Variants in GRAMD1B observed in about 807,000 individuals in gnomAD.
The protein encoded by GRAMD1B is GRAM domain containing 1B, also known as protein Aster-B.
A neutral mutation model predicts 99.7 loss-of-function variants in GRAMD1B; 37 were observed. That is an observed-to-expected ratio of 0.37 (90% CI 0.29 to 0.49). GRAMD1B has a LOEUF of 0.49. Ranked by LOEUF, GRAMD1B falls within the 20% of genes least tolerant of loss-of-function variation. The probability of loss-of-function intolerance (pLI) is 0.98; values close to 1 mark genes in which losing one functional copy is unlikely to be tolerated. For missense variants in GRAMD1B, 888 were observed against 1,009.2 expected (o/e 0.88, Z 1.63); for synonymous variants, 427 against 387.6 (o/e 1.10, Z -1.19).
chr11:123,606,104 A>C (rs1312995567), intron 10 of GRAMD1B, among the ~76,000 whole-genome samples: 2 of 152,268 alleles, frequency 1.3e-5, no homozygotes, highest in African/African-American at 4.8e-5. Context: ...GCTATGGATC[A>C]GACCACCTGC....
intron 2 of GRAMD1B, among the ~76,000 whole-genome samples, chr11:123,540,296 T>C (rs1944381844): frequency 6.6e-6 from 1 of 151,990 alleles, no homozygotes; most frequent in Non-Finnish European, 1.5e-5. Flanking sequence ...CCCAAACTGG[T>C]CTCAAACAAC....
intron 2 of GRAMD1B, among the ~76,000 whole-genome samples, chr11:123,542,472 C>T (rs2135721017): frequency 6.6e-6 from 1 of 152,346 alleles, no homozygotes; most frequent in African/African-American, 2.4e-5. Flanking sequence ...ATGAACTGTA[C>T]TGGAGAATTC....
intron 2 of GRAMD1B, among the ~76,000 whole-genome samples, chr11:123,524,902 G>C (rs1203052016): frequency 1.3e-5 from 2 of 151,808 alleles, no homozygotes; most frequent in Non-Finnish European, 2.9e-5. Context: ...AGATAGAAAG[G>C]GATCATATAG....
At chr11:123,562,609 C>A (rs1245629177) in intron 2 of GRAMD1B, among the ~76,000 whole-genome samples, 2 of 152,144 alleles carry the variant, frequency 1.3e-5, no homozygotes, top group Non-Finnish European at 2.9e-5. Flanking sequence ...CTTAAAAATG[C>A]AAACACTATT....
Position 123,395,233 on chromosome 11 carries a change from A to AT in GRAMD1B, c.-176+36436dup, listed in dbSNP as rs540368896. Among the ~76,000 whole-genome samples the AT allele has an allele frequency of 7.3e-4, 111 of 152,310 alleles. 1 individual carries two copies. Among genetic ancestry groups the AT allele is most frequent in the African/African-American group, 2.6e-3 (110 of 41,582 alleles). ...TGGGAAAGAAAATTTCTGCAAAGGT[A>AT]TTATTGTGTAGATTTTCATACTAAG... On this transcript the variant is annotated intron_variant, in intron 1 of 20. Transcript: ENST00000638157.
intron 2 of GRAMD1B, among the ~76,000 whole-genome samples, chr11:123,575,630 C>G (rs1295380852): frequency 6.6e-6 from 1 of 152,110 alleles, no homozygotes; most frequent in Non-Finnish European, 1.5e-5. Flanking sequence ...GAGGCTCACC[C>G]CAGAAAGACG....
At position 123,451,756 on chromosome 11, in the gene GRAMD1B, G is replaced by A. The variant is rs115479245; in HGVS notation, c.374+20590G>A. 8.7e-3 allele frequency among the ~76,000 whole-genome samples: 1,327 copies of A among 152,224 alleles called. 21 individuals are homozygous for A. Among genetic ancestry groups the A allele is most frequent in the African/African-American group, 0.029 (1,223 of 41,528 alleles). ...CTTGTTGCTTGGCTGCTATGTGCTGGCCACTGAGGTGTGGCTGGCTTCTTC... is the reference window on the plus strand; with the variant it reads ...CTTGTTGCTTGGCTGCTATGTGCTGACCACTGAGGTGTGGCTGGCTTCTTC... On this transcript the variant is annotated intron_variant, in intron 1 of 19. Coordinates refer to ENST00000635736, the MANE Select transcript of GRAMD1B (RefSeq NM_001387025.1).
intron 1 of GRAMD1B, among the ~76,000 whole-genome samples, chr11:123,402,306 C>T (rs914007181): frequency 3.9e-5 from 6 of 152,170 alleles, no homozygotes; most frequent in Non-Finnish European, 8.8e-5. Flanking sequence ...TACGAGCCAC[C>T]ACGCCCGGCC....
At chr11:123,398,708 G>A (rs951278710) in intron 1 of GRAMD1B, among the ~76,000 whole-genome samples, 20 of 151,820 alleles carry the variant, frequency 1.3e-4, no homozygotes, top group African/African-American at 4.4e-4. Context: ...TGTATTTATC[G>A]GTCATTTATA....
rs1952250470 is a variant in GRAMD1B at position 123,603,420 on chromosome 11, C to T, written c.1051-6C>T. On this transcript the variant is annotated splice_region_variant and splice_polypyrimidine_tract_variant and intron_variant, in intron 8 of 19. Transcript: ENST00000635736. Reference sequence around the variant, plus strand: ...AAGGCTCAGTCGTTCCTTTTCTCCCCTGAAGCCTCTGTGTCCCAAGGAGCT... The same window carrying T: ...AAGGCTCAGTCGTTCCTTTTCTCCCTTGAAGCCTCTGTGTCCCAAGGAGCT... The T allele has an allele frequency of 6.4e-7, 1 of 1,569,610 alleles. No homozygotes were observed.
rs189077341 is a variant in GRAMD1B at position 123,418,459 on chromosome 11, C to T, written c.-176+59660C>T. On this transcript the variant is annotated intron_variant, in intron 1 of 20. Transcript: ENST00000638157. ...GAGTTGATAGATAAGCTGTTTTTTC[C>T]AAGTACATTCCTGTTCCTTCATTTA... Among the ~76,000 whole-genome samples, 257 of 152,194 alleles carry T rather than the reference C, an allele frequency of 1.7e-3. 1 individual carries two copies. The highest frequency in any genetic ancestry group is 3.3e-3 in the Non-Finnish European group (222 of 67,992).
chr11:123,479,189 G>A (rs770074499), intron 1 of GRAMD1B, among the ~76,000 whole-genome samples: 2 of 152,214 alleles, frequency 1.3e-5, no homozygotes, highest in African/African-American at 2.4e-5. Context: ...TGTGTATGGC[G>A]CTGTTCCGGT....
intron 2 of GRAMD1B, among the ~76,000 whole-genome samples, chr11:123,485,435 A>G (rs556053392): frequency 1.3e-5 from 2 of 152,182 alleles, no homozygotes; most frequent in Non-Finnish European, 2.9e-5. Context: ...AAACCTAAGG[A>G]TTTCTGAGAA....
intron 1 of GRAMD1B, among the ~76,000 whole-genome samples, chr11:123,466,448 AAGAG>A (rs1157590903): frequency 1.4e-5 from 2 of 145,670 alleles, no homozygotes; most frequent in Admixed American, 6.7e-5. Flanking sequence ...GAAAGAAAGA[AAGAG>A]AAAGAAAGAA....
At chr11:123,553,113 T>G (rs1361990459) in intron 2 of GRAMD1B, among the ~76,000 whole-genome samples, 1 of 152,204 alleles carries the variant, frequency 6.6e-6, no homozygotes, top group East Asian at 1.9e-4. Flanking sequence ...CTTGTTTAGT[T>G]GGTTATGTAA....
intron 1 of GRAMD1B, among the ~76,000 whole-genome samples, chr11:123,377,394 A>C (rs1946723893): frequency 6.6e-6 from 1 of 152,218 alleles, no homozygotes; most frequent in African/African-American, 2.4e-5. Context: ...CATCAGAGCA[A>C]AGAGAGCAAA....
At position 123,551,385 on chromosome 11, in the gene GRAMD1B, T is replaced by G. The variant is rs57171307; in HGVS notation, c.453-25982T>G. ...AGGAGTATCATGCCCAGGCGAAACC[T>G]CTACACTACATGGGACAGGGACTCT... On this transcript the variant is annotated intron_variant, in intron 2 of 19. Transcript: ENST00000635736. Among the ~76,000 whole-genome samples, 563 of 152,252 alleles carry G rather than the reference T, an allele frequency of 3.7e-3. 3 individuals are homozygous for G. Among genetic ancestry groups the G allele is most frequent in the African/African-American group, 0.013 (534 of 41,544 alleles).
At position 123,613,459 on chromosome 11, in the gene GRAMD1B, C is replaced by A. The variant is rs759545068; in HGVS notation, c.2028C>A (p.Ser676Arg). ...GLEDYFRHLE[S>R]ELAKTESTYL... ...TGGTCCTTTTGTCTCTGATAGAGAG[C>A]GAGCTGGCCAAAACGGAGAGCACTT... Residue 676 changes from serine to arginine, a missense_variant, in exon 16 of 20, where the codon AGC (serine) becomes AGA (arginine). Physicochemically the swap from Ser to Arg is moderately radical, Grantham distance 110. This residue lies in a region of GRAMD1B where 232 missense variants were observed against 261.7 expected (regional missense o/e 0.89). Coordinates refer to ENST00000635736, the MANE Select transcript of GRAMD1B (RefSeq NM_001387025.1). 6.2e-7 allele frequency: 1 copy of A among 1,607,184 alleles called. No homozygotes were observed. Among genetic ancestry groups the A allele is most frequent in the Non-Finnish European group, 8.5e-7 (1 of 1,176,458 alleles).
In GRAMD1B at chr11:123,517,681, C is replaced by T. The variant is rs572868632; in HGVS notation, c.452+36788C>T. 2.4e-4 allele frequency among the ~76,000 whole-genome samples: 36 copies of T among 152,274 alleles called. 1 individual carries two copies. Among genetic ancestry groups the T allele is most frequent in the African/African-American group, 7.5e-4 (31 of 41,540 alleles). The stretch of plus-strand genomic sequence containing the variant: ...GTCAGTCCCTGTTCAATGAAGAATG[C>T]GGTTTTTCTGCACTTGTCCTATCAT... On this transcript the variant is annotated intron_variant, in intron 2 of 19. Transcript: ENST00000635736.
Sources: allele counts gnomAD v4.1 joint callset (sites outside exome capture counted in the v4.1 genomes callset), GRCh38; gene constraint gnomAD v4.1.1; regional missense constraint gnomAD v4.1.1; transcripts MANE v1.5; gene names NCBI Gene and HGNC (gene_info 2026-07-23, HGNC 2026-07-21).